The following ADD2 variants were observed in gnomAD, a reference collection of about 807,000 sequenced individuals.
The protein encoded by ADD2 is beta-adducin.
In ADD2, 23 loss-of-function variants were observed where a neutral mutation model predicts 83.0. The ratio of observed to expected loss-of-function variants is 0.28; its 90% confidence interval spans 0.20 to 0.39. The LOEUF (loss-of-function observed/expected upper bound fraction) is 0.39, where lower values mean the gene tolerates loss of function less well. Among genes scored for constraint, ADD2 ranks in the 10% least tolerant of loss-of-function variants. The pLI, the probability that ADD2 is intolerant of heterozygous loss-of-function variation, is 1.00. For synonymous variants in ADD2, 375 were observed against 375.4 expected, an observed-to-expected ratio of 1.00 and a Z score of 0.01; for missense variants, 758 against 944.9, an observed-to-expected ratio of 0.80 and a Z score of 2.59.
chr2:70,684,614 T>C (rs554064024), intron 9 of ADD2, among the ~76,000 whole-genome samples: 79 of 152,336 alleles, frequency 5.2e-4, no homozygotes, highest in African/African-American at 1.8e-3. Context: ...TGAAATTTAT[T>C]TGTAACCTCA....
intron 1 of ADD2, among the ~76,000 whole-genome samples, chr2:70,738,036 G>T (rs1426575603): frequency 6.6e-6 from 1 of 152,140 alleles, no homozygotes; most frequent in Non-Finnish European, 1.5e-5. Flanking sequence ...ATGGATCTGG[G>T]TTCATCTGAT....
intron 14 of ADD2, 38 bp downstream of exon 14, chr2:70,674,640 G>A (rs781857590): frequency 1.9e-6 from 3 of 1,595,778 alleles, no homozygotes; most frequent in Non-Finnish European, 1.7e-6. Flanking sequence ...TCCACCCTGG[G>A]GGACTTGGAA....
At position 70,659,806 on chromosome 2, in the gene ADD2, G is replaced by C. The variant is rs1345027047; in HGVS notation, c.*3619C>G. On this transcript the variant is annotated 3_prime_UTR_variant, in exon 16 of 16. Coordinates refer to ENST00000264436, the MANE Select transcript of ADD2 (RefSeq NM_001617.4). ...GCAAGGAGCCGTTGGAGCCAAGCCT[G>C]TCTCTGCGAAACCACTAATCCTTCT... 6.6e-6 allele frequency: 1 copy of C among 152,202 alleles called. No individual in the cohort carries two copies. The highest frequency in any genetic ancestry group is 1.5e-5 in the Non-Finnish European group (1 of 68,058). 9.4% of individuals were successfully genotyped at this position (152,202 alleles called of 1,614,324 possible). A position where few individuals can be genotyped will look rare whatever the true frequency, so the allele number is the denominator to read the frequency against.
chr2:70,762,638 T>C (rs1553385220), intron 1 of ADD2, among the ~76,000 whole-genome samples: 1 of 149,280 alleles, frequency 6.7e-6, no homozygotes, highest in Non-Finnish European at 1.5e-5. Context: ...TAAATATAAC[T>C]ATATTATATG....
At chr2:70,715,442 C>T (rs1278213516) in intron 1 of ADD2, among the ~76,000 whole-genome samples, 8 of 152,280 alleles carry the variant, frequency 5.3e-5, no homozygotes, top group African/African-American at 1.9e-4. Flanking sequence ...AGCAGAGATG[C>T]AAGGGACAGT....
intron 15 of ADD2, among the ~76,000 whole-genome samples, chr2:70,669,861 G>C (rs1351411937): frequency 1.6e-5 from 2 of 127,752 alleles, no homozygotes; most frequent in African/African-American, 5.5e-5. Flanking sequence ...GAGGGAGAGA[G>C]AGACAGACAG....
At chr2:70,746,872 A>G (rs1574317278) in intron 1 of ADD2, among the ~76,000 whole-genome samples, 1 of 152,106 alleles carries the variant, frequency 6.6e-6, no homozygotes, top group Non-Finnish European at 1.5e-5. Context: ...ATGTTTTTGG[A>G]TAGATTTACT....
chr2:70,664,710 A>G (rs1345650383), intron 15 of ADD2, among the ~76,000 whole-genome samples: 1 of 150,992 alleles, frequency 6.6e-6, no homozygotes, highest in African/African-American at 2.5e-5. Context: ...AGCACGTGTG[A>G]GTGTGTACAA....
chr2:70,749,760 T>C (rs1674414126), intron 1 of ADD2, among the ~76,000 whole-genome samples: 1 of 152,144 alleles, frequency 6.6e-6, no homozygotes, highest in African/African-American at 2.4e-5. Flanking sequence ...CTGCAAACTT[T>C]CAGGATAAAA....
intron 2 of ADD2, among the ~76,000 whole-genome samples, chr2:70,712,475 A>AAAAAAAT (rs1672244268): frequency 6.7e-6 from 1 of 149,540 alleles, no homozygotes; most frequent in Non-Finnish European, 1.5e-5. Context: ...AAAAAAAAAA[A>AAAAAAAT]GAAACTGAAT....
chr2:70,750,390 G>T (rs1674449678), intron 1 of ADD2, among the ~76,000 whole-genome samples: 1 of 152,166 alleles, frequency 6.6e-6, no homozygotes, highest in African/African-American at 2.4e-5. Flanking sequence ...TCCTTATTTA[G>T]AAACAGGATC....
intron 1 of ADD2, among the ~76,000 whole-genome samples, chr2:70,719,366 G>A (rs1403484973): frequency 2.0e-5 from 3 of 152,332 alleles, no homozygotes; most frequent in South Asian, 2.1e-4. Context: ...CATGGGAGGC[G>A]GCTCTAGAGA....
chr2:70,685,441 C>G (rs1330599055), intron 9 of ADD2, among the ~76,000 whole-genome samples: 2 of 152,146 alleles, frequency 1.3e-5, no homozygotes, highest in Admixed American at 1.3e-4. Flanking sequence ...AGAAGATAAA[C>G]AGACTTCTCC....
chr2:70,674,626 C>T, intron 14 of ADD2, 52 bp downstream of exon 14: 2 of 1,579,286 alleles, frequency 1.3e-6, no homozygotes, highest in African/African-American at 1.4e-5. Context: ...CCTGAGCTCT[C>T]CCCTCCACCC....
rs781973661 is a variant in ADD2, at chr2:70,660,435, CA to C, written c.*2989del. On this transcript the variant is annotated 3_prime_UTR_variant, in exon 16 of 16. Transcript: ENST00000264436. ...TAGTATTGACATTTCAAAAAGGCCTCATAGCTCCCATGCCACCATCCCACGC... is the reference window on the plus strand; with the variant it reads ...TAGTATTGACATTTCAAAAAGGCCTCTAGCTCCCATGCCACCATCCCACGC... The C allele has an allele frequency of 6.6e-6, 1 of 152,470 alleles. No individual in the cohort carries two copies. The highest frequency in any genetic ancestry group is 1.5e-5 in the Non-Finnish European group (1 of 68,084). 9.4% of individuals were successfully genotyped at this position (152,470 alleles called of 1,614,324 possible).
rs1574237412 is a variant in ADD2 at position 70,683,661 on chromosome 2, A to G, written c.1055T>C (p.Phe352Ser). The G allele has an allele frequency of 6.2e-7, 1 of 1,614,062 alleles. No individual in the cohort carries two copies. Among genetic ancestry groups the G allele is most frequent in the East Asian group, 2.2e-5 (1 of 44,860 alleles). Residue 352 changes from phenylalanine (F) to serine (S), a missense_variant, in exon 10 of 16, where the codon TTT becomes TCT. Coordinates refer to ENST00000264436, the MANE Select transcript of ADD2 (RefSeq NM_001617.4). Reference protein sequence around the residue: ...VGSVQWAGSTFGPMQKSRLGE... With the variant: ...VGSVQWAGSTSGPMQKSRLGE... ...CAGCCGACTCTTCTGCATAGGCCCA[A>G]AGGTGCTCCCGGCCCACTGCACGGA...
intron 8 of ADD2, among the ~76,000 whole-genome samples, chr2:70,688,724 T>C (rs1347532765): frequency 6.6e-6 from 1 of 152,128 alleles, no homozygotes; most frequent in Non-Finnish European, 1.5e-5. Context: ...AGCTCTGAGA[T>C]CTCACAGCTC....
intron 2 of ADD2, among the ~76,000 whole-genome samples, chr2:70,712,637 T>G (rs1553375676): frequency 6.6e-6 from 1 of 152,050 alleles, no homozygotes; most frequent in East Asian, 1.9e-4. Context: ...GAAGAAGAAT[T>G]AGGCTGGTTC....
chr2:70,673,553 A>T (rs1385867172), intron 14 of ADD2, among the ~76,000 whole-genome samples: 1 of 152,202 alleles, frequency 6.6e-6, no homozygotes, highest in Admixed American at 6.5e-5. Flanking sequence ...TTGCTTTTCA[A>T]TTGGCACATT....
Sources: allele counts gnomAD v4.1 joint callset (sites outside exome capture counted in the v4.1 genomes callset), GRCh38; gene constraint gnomAD v4.1.1; transcripts MANE v1.5; gene names NCBI Gene and HGNC (gene_info 2026-07-23, HGNC 2026-07-21).